ZCWPW1: variants seen among roughly 807,000 people sequenced by gnomAD.
ZCWPW1 encodes zinc finger CW-type and PWWP domain containing 1, also known as zinc finger CW-type PWWP domain protein 1.
ZCWPW1 carries 56 observed loss-of-function variants against 81.3 expected under a neutral mutation model. The ratio of observed to expected loss-of-function variants is 0.69; its 90% CI spans 0.56 to 0.86. The LOEUF (loss-of-function observed/expected upper bound fraction) is 0.86, where lower values mean the gene tolerates loss of function less well. Among genes scored for constraint, ZCWPW1 ranks in the 40% least tolerant of loss-of-function variants. The pLI is 0.00. For synonymous variants in ZCWPW1, 250 were observed against 273.7 expected (o/e 0.91, Z 0.86); for missense variants, 650 against 769.8 (o/e 0.84, Z 1.84).
Position 100,406,781 on chromosome 7 carries a change from C to G in ZCWPW1, c.1086G>C (p.Thr362=). ...LDSLPSKYHV[T]FFGETVSRAW... is the part of the protein sequence containing the mutation. ...CACGAGAAACTGTTTCTCCAAAAAA[C>G]GTCACATGGTACTTAGACTGAAATA... The change falls in exon 12 of 18, where the codon ACG becomes ACC. Residue 362 remains threonine (T), a synonymous_variant. Coordinates refer to ENST00000684423, the MANE Select transcript of ZCWPW1 (RefSeq NM_001386010.1). 1 of 1,614,110 alleles carries G rather than the reference C, an allele frequency of 6.2e-7. No individual in the cohort carries two copies. The highest frequency in any genetic ancestry group is 8.5e-7 in the Non-Finnish European group (1 of 1,180,002).
intron 8 of ZCWPW1, among the ~76,000 whole-genome samples, chr7:100,414,337 A>G (rs1157348872): frequency 6.6e-6 from 1 of 151,950 alleles, no homozygotes; most frequent in African/African-American, 2.4e-5. Context: ...TAAAGTTGGA[A>G]CTTGTTCTGT....
At chr7:100,416,480 T>G in intron 6 of ZCWPW1, 24 bp from the exon 7 acceptor site, 1 of 1,610,992 alleles carries the variant, frequency 6.2e-7, no homozygotes, top group Non-Finnish European at 8.5e-7. Context: ...TTTATTTTAA[T>G]GAAAGGTAAA....
chr7:100,406,840 C>G, intron 11 of ZCWPW1, 42 bp from the exon 12 acceptor site: 1 of 1,562,816 alleles, frequency 6.4e-7, no homozygotes, highest in Non-Finnish European at 8.8e-7. Flanking sequence ...CTGTCCTGCT[C>G]CCTGCTTTTC....
Position 100,407,350 on chromosome 7 carries a change from T to C in ZCWPW1, c.993-47A>G, listed in dbSNP as rs756956235. On this transcript the variant is annotated intron_variant, in intron 10 of 17. Coordinates refer to ENST00000684423, the MANE Select transcript of ZCWPW1 (RefSeq NM_001386010.1). The stretch of plus-strand genomic sequence containing the variant: ...AGGGGACAGAAGAGAAGGGGTTAGA[T>C]GAACAGAACACAACCTCATCAATGT... The C allele has an allele frequency of 5.9e-6, 9 of 1,523,432 alleles. No individual in the cohort carries two copies. The South Asian group carries it at 9.1e-5, about 15-fold the overall frequency. 94.4% of individuals were successfully genotyped at this position (1,523,432 alleles called of 1,614,324 possible).
intron 2 of ZCWPW1, among the ~76,000 whole-genome samples, chr7:100,424,564 C>A (rs990925155): frequency 1.3e-5 from 2 of 151,904 alleles, no homozygotes; most frequent in Admixed American, 1.3e-4. Context: ...CAGGTTCAAG[C>A]GATTCTCCTG....
intron 1 of ZCWPW1, among the ~76,000 whole-genome samples, chr7:100,426,475 T>C (rs1466473339): frequency 7.3e-6 from 1 of 136,966 alleles, no homozygotes; most frequent in Non-Finnish European, 1.5e-5. Context: ...CTGGGCAAAA[T>C]GAGTGAGACT....
chr7:100,404,085 T>C, intron 14 of ZCWPW1, 93 bp downstream of exon 14: 3 of 1,319,616 alleles, frequency 2.3e-6, no homozygotes, highest in Non-Finnish European at 3.2e-6. Context: ...AGCCTGATGA[T>C]AGAGAATATA....
chr7:100,402,052 G>A lies in ZCWPW1; in HGVS notation c.1475-11C>T, dbSNP rs377236763. ...CATCACCCCCAAGCCCTAGCCGTGA[G>A]GGAAATGCGTTTATTTCTCTCTAAA... On this transcript the variant is annotated splice_polypyrimidine_tract_variant and intron_variant, in intron 16 of 17. Coordinates refer to ENST00000684423, the MANE Select transcript of ZCWPW1 (RefSeq NM_001386010.1). 9.4e-6 allele frequency: 15 copies of A among 1,596,390 alleles called. No homozygotes were observed. Among genetic ancestry groups the A allele is most frequent in the Middle Eastern group, 1.8e-4 (1 of 5,586 alleles).
At chr7:100,427,886 G>A (rs1480816663) in intron 1 of ZCWPW1, among the ~76,000 whole-genome samples, 1 of 149,918 alleles carries the variant, frequency 6.7e-6, no homozygotes, top group Non-Finnish European at 1.5e-5. Flanking sequence ...TCTCTTCCCC[G>A]TCCCCTCCCT....
chr7:100,402,370 C>A (rs1342518617), intron 16 of ZCWPW1, 146 bp downstream of exon 16: 3 of 945,798 alleles, frequency 3.2e-6, no homozygotes, highest in African/African-American at 1.6e-5. Context: ...GTTCCAGCTC[C>A]CCATGACACT....
At chr7:100,414,811 G>T (rs1477824393) in intron 8 of ZCWPW1, among the ~76,000 whole-genome samples, 1 of 152,050 alleles carries the variant, frequency 6.6e-6, no homozygotes, top group East Asian at 1.9e-4. Context: ...CAGATCACAA[G>T]GTCAAGAGAT....
rs774180961 is a variant in ZCWPW1, at chr7:100,409,516, G to A, written c.783C>T (p.Ser261=). The A allele has an allele frequency of 6.2e-7, 1 of 1,613,974 alleles. No homozygotes were observed. Among genetic ancestry groups the A allele is most frequent in the Non-Finnish European group, 8.5e-7 (1 of 1,179,908 alleles). The change falls in exon 9 of 18, where the codon TCC becomes TCT. Residue 261 remains serine, a synonymous_variant. Coordinates refer to ENST00000684423, the MANE Select transcript of ZCWPW1 (RefSeq NM_001386010.1). ...FGQCLVWVQC[S]FPNCGKWRRL... ...GCCTCCATTTCCCACAGTTTGGGAAGGAACACTGGACCCAGACCAGACATT... is the reference window on the plus strand; with the variant it reads ...GCCTCCATTTCCCACAGTTTGGGAAAGAACACTGGACCCAGACCAGACATT...
Position 100,403,890 on chromosome 7 carries a change from A to C in ZCWPW1, c.1322-105T>G, listed in dbSNP as rs1792435999. ...TGTCTTCTAACTGTGCCTTTTGTGTACAAGTGGTATTTTCTCCATAAAATG... is the reference window on the plus strand; with the variant it reads ...TGTCTTCTAACTGTGCCTTTTGTGTCCAAGTGGTATTTTCTCCATAAAATG... On this transcript the variant is annotated intron_variant, in intron 14 of 17. Coordinates refer to ENST00000684423, the MANE Select transcript of ZCWPW1 (RefSeq NM_001386010.1). The C allele has an allele frequency of 2.5e-6, 3 of 1,218,668 alleles. No individual in the cohort carries two copies. In the East Asian group the frequency reaches 7.0e-5, roughly 28 times the overall value. The allele number at this position is 1,218,668 out of a possible 1,614,324, so 75.5% of individuals were successfully genotyped here. A position where few individuals can be genotyped will look rare whatever the true frequency, so the allele number is the denominator to read the frequency against.
chr7:100,417,196 A>G lies in ZCWPW1; in HGVS notation c.362-13T>C. 6.2e-7 allele frequency: 1 copy of G among 1,609,784 alleles called. No homozygotes were observed. The highest frequency in any genetic ancestry group is 8.5e-7 in the Non-Finnish European group (1 of 1,177,222). ...CCAGATCCCATCCCTCCCAAAACAA[A>G]ATACTATAAGCAGAGAAGCAAAAAA... On this transcript the variant is annotated splice_polypyrimidine_tract_variant and intron_variant, in intron 5 of 17. Transcript: ENST00000684423.
Position 100,419,805 on chromosome 7 carries a change from G to C in ZCWPW1, c.107C>G (p.Ser36Cys). Residue 36 changes from serine to cysteine, a missense_variant, in exon 4 of 18, where the codon TCC becomes TGC. Coordinates refer to ENST00000684423, the MANE Select transcript of ZCWPW1 (RefSeq NM_001386010.1). ...SYSLLPCSPN[S>C]PKEETPGISS... Reference sequence around the variant, plus strand: ...GATCCCCGGGGTCTCCTCCTTAGGGGAGTTAGGGCTACAAGGTAACAGGCT... The same window carrying C: ...GATCCCCGGGGTCTCCTCCTTAGGGCAGTTAGGGCTACAAGGTAACAGGCT... 1 of 1,613,422 alleles carries C rather than the reference G, an allele frequency of 6.2e-7. No homozygotes were observed. Among genetic ancestry groups the C allele is most frequent in the Non-Finnish European group, 8.5e-7 (1 of 1,179,838 alleles).
intron 2 of ZCWPW1, among the ~76,000 whole-genome samples, chr7:100,422,110 A>G (rs1002158267): frequency 1.3e-5 from 2 of 152,232 alleles, no homozygotes; most frequent in African/African-American, 2.4e-5. Context: ...TTCTCACAAC[A>G]GATCTATGAG....
At chr7:100,418,865 C>A in intron 5 of ZCWPW1, 1 of 277,858 alleles carries the variant, frequency 3.6e-6, no homozygotes, top group Non-Finnish European at 6.6e-6. Context: ...TTAGTTAAGA[C>A]TATATATAAA....
At chr7:100,401,390 C>G in intron 17 of ZCWPW1, 54 bp from the exon 18 acceptor site, 1 of 1,436,468 alleles carries the variant, frequency 7.0e-7, no homozygotes, top group Non-Finnish European at 9.3e-7. Flanking sequence ...CTGTCCTTAC[C>G]TTTTATAAGT....
intron 13 of ZCWPW1, 119 bp from the exon 14 acceptor site, chr7:100,404,363 CATT>C (rs1159872694): frequency 1.4e-5 from 13 of 930,722 alleles, no homozygotes; most frequent in Middle Eastern, 2.2e-4. Context: ...CCAAAATTAT[CATT>C]ATTATTATTT....
Sources: allele counts gnomAD v4.1 joint callset (sites outside exome capture counted in the v4.1 genomes callset), GRCh38; gene constraint gnomAD v4.1.1; transcripts MANE v1.5; gene names NCBI Gene and HGNC (gene_info 2026-07-23, HGNC 2026-07-21).